Variants in PLA2G6 observed in about 807,000 individuals in gnomAD.
The protein encoded by PLA2G6 is 85/88 kDa calcium-independent phospholipase A2.
A neutral mutation model predicts 83.8 loss-of-function variants in PLA2G6; 62 were observed. The ratio of observed to expected loss-of-function variants is 0.74; its 90% CI spans 0.60 to 0.91. The LOEUF (loss-of-function observed/expected upper bound fraction) is 0.91, where lower values mean the gene tolerates loss of function less well. Ranked by LOEUF, PLA2G6 falls within the 40% of genes least tolerant of loss-of-function variation. The probability of loss-of-function intolerance (pLI) is 0.00; values close to 1 mark genes in which losing one functional copy is unlikely to be tolerated. For missense variants in PLA2G6, 944 were observed against 1,102.0 expected, an observed-to-expected ratio of 0.86 and a Z score of 2.03; for synonymous variants, 417 against 449.8, an observed-to-expected ratio of 0.93 and a Z score of 0.92.
chr22:38,141,619 T>C (rs1011063913), intron 4 of PLA2G6: 2 of 152,184 alleles, frequency 1.3e-5, no homozygotes, highest in East Asian at 3.9e-4. Flanking sequence ...CCTCAGTTTC[T>C]TCGGAGAGGA....
chr22:38,112,415 A>G (rs182038896), intron 16 of PLA2G6, 89 bp downstream of exon 16: 3 of 1,515,110 alleles, frequency 2.0e-6, no homozygotes, highest in Admixed American at 1.9e-5. Flanking sequence ...TGGGGAAGGG[A>G]AAGTCCACAC....
Position 38,132,630 on chromosome 22 carries a change from T to G in PLA2G6, c.1077+201A>C. The G allele has an allele frequency of 1.7e-6, 1 of 588,686 alleles. No homozygotes were observed. The highest frequency in any genetic ancestry group is 3.0e-6 in the Non-Finnish European group (1 of 330,106). 36.5% of individuals were successfully genotyped at this position (588,686 alleles called of 1,614,324 possible). On this transcript the variant is annotated intron_variant, in intron 7 of 16. Transcript: ENST00000332509. The surrounding 1 kb of genome is among the most constrained non-coding windows in gnomAD (Gnocchi z 5.0). Reference sequence around the variant, plus strand: ...AAAAGGTACCACAGCACACAGGAGGTGGTGTTATTTTGGGCTGAGAGGGGG... The same window carrying G: ...AAAAGGTACCACAGCACACAGGAGGGGGTGTTATTTTGGGCTGAGAGGGGG...
chr22:38,112,184 T>C lies in PLA2G6; in HGVS notation c.2398A>G (p.Ile800Val). The C allele has an allele frequency of 1.3e-6, 2 of 1,594,338 alleles. No individual in the cohort carries two copies. The highest frequency in any genetic ancestry group is 1.7e-6 in the Non-Finnish European group (2 of 1,170,910). ...CCTCAGGGTGAGAGCAGCAGCTGGATGAGCTTCTGGAACTCCTCGCGGTGC... is the reference window on the plus strand; with the variant it reads ...CCTCAGGGTGAGAGCAGCAGCTGGACGAGCTTCTGGAACTCCTCGCGGTGC... ...YEHREEFQKL[I>V]QLLLSP The change falls in exon 17 of 17, where the codon ATC (isoleucine) becomes GTC (valine). Residue 800 changes from isoleucine to valine, a missense_variant. Transcript: ENST00000332509.
chr22:38,132,879 C>T lies in PLA2G6; in HGVS notation c.1029G>A (p.Ala343=), dbSNP rs1422824235. ...AIVLLTHGAN[A]DARGEHGNTP... is the part of the protein sequence containing the mutation. The stretch of plus-strand genomic sequence containing the variant: ...TGTTGCCGTGCTCTCCGCGGGCATC[C>T]GCGTTGGCCCCGTGGGTCAGCAGCA... Residue 343 remains alanine, a synonymous_variant, in exon 7 of 17, where the codon GCG becomes GCA. Transcript: ENST00000332509. This position sits in a 1 kb window ranked among gnomAD's most constrained non-coding sequence, Gnocchi z 5.0. 16 of 1,553,676 alleles carry T rather than the reference C, an allele frequency of 1.0e-5. No individual in the cohort carries two copies. The highest frequency in any genetic ancestry group is 7.1e-5 in the South Asian group (6 of 84,304).
chr22:38,175,482 G>C (rs767766589), intron 1 of PLA2G6, among the ~76,000 whole-genome samples: 6 of 152,062 alleles, frequency 3.9e-5, no homozygotes, highest in Non-Finnish European at 8.8e-5. Context: ...CAGCCACGCC[G>C]CACCATCGAT....
At chr22:38,145,834 C>CACACACACACACACACACACACA in intron 2 of PLA2G6, 181 bp from the exon 3 acceptor site, 1 of 627,028 alleles carries the variant, frequency 1.6e-6, no homozygotes, top group African/African-American at 1.9e-5. Flanking sequence ...CACACACACA[C>CACACACACACACACACACACACA]CCCTATACAC....
rs1247478429 is a variant in PLA2G6 at position 38,123,896 on chromosome 22, C to T, written c.1428-638G>A. Among the ~76,000 whole-genome samples, 15 of 152,256 alleles carry T rather than the reference C, an allele frequency of 9.9e-5. No homozygotes were observed. Among genetic ancestry groups the T allele is most frequent in the Non-Finnish European group, 1.8e-4 (12 of 68,016 alleles). ...TGTTGCCCAGGCTGGAGTGCAATAA[C>T]GCGATCTCGGCTCACCGCAACCTCT... On this transcript the variant is annotated intron_variant, in intron 10 of 16. Transcript: ENST00000332509. The surrounding 1 kb of genome is among the most constrained non-coding windows in gnomAD (Gnocchi z 4.1).
chr22:38,142,178 T>C (rs1263043373), intron 4 of PLA2G6: 12 of 102,722 alleles, frequency 1.2e-4, no homozygotes, highest in Non-Finnish European at 5.3e-5. Context: ...CTGGGAGACA[T>C]AGGGAAACTC....
intron 2 of PLA2G6, among the ~76,000 whole-genome samples, chr22:38,153,708 C>CT (rs2145866615): frequency 6.6e-6 from 1 of 151,568 alleles, no homozygotes; most frequent in East Asian, 1.9e-4. Context: ...CCAAATTGAA[C>CT]TATACACACA....
chr22:38,146,285 C>T (rs554857190), intron 2 of PLA2G6: 5 of 155,884 alleles, frequency 3.2e-5, no homozygotes, highest in African/African-American at 1.2e-4. Flanking sequence ...AATCCACCCC[C>T]CTCAGCCTCT....
At chr22:38,145,051 TTTTTC>T in intron 3 of PLA2G6, 1 of 250,100 alleles carries the variant, frequency 4.0e-6, no homozygotes. Context: ...TTTTTTTTTT[TTTTTC>T]CTAGAGACAA....
rs1273203392 is a variant in PLA2G6 at position 38,123,607 on chromosome 22, G to T, written c.1428-349C>A. 1.3e-5 allele frequency among the ~76,000 whole-genome samples: 2 copies of T among 152,034 alleles called. No homozygotes were observed. The highest frequency in any genetic ancestry group is 4.8e-5 in the African/African-American group (2 of 41,386). ...TGATCCAAAGCAGGTGCCTGATAAA[G>T]TCTGTTGGAATTAAATAAGGCTGGG... On this transcript the variant is annotated intron_variant, in intron 10 of 16. Coordinates refer to ENST00000332509, the MANE Select transcript of PLA2G6 (RefSeq NM_003560.4). The surrounding 1 kb of genome is among the most constrained non-coding windows in gnomAD (Gnocchi z 4.1).
intron 2 of PLA2G6, among the ~76,000 whole-genome samples, chr22:38,159,905 CAT>C (rs1479783029): frequency 6.6e-6 from 1 of 152,140 alleles, no homozygotes; most frequent in Non-Finnish European, 1.5e-5. Context: ...ACTAAGAACT[CAT>C]GTTTATCAAT....
chr22:38,166,722 TAA>T (rs144922603), intron 2 of PLA2G6, among the ~76,000 whole-genome samples: 17,583 of 151,560 alleles, frequency 0.12, 1,230 homozygotes, highest in African/African-American at 0.18. Flanking sequence ...GAGCAAGACT[TAA>T]CGTCTCAAAA....
Position 38,111,868 on chromosome 22 carries a change from C to A in PLA2G6, c.*293G>T, listed in dbSNP as rs2086887545. The A allele has an allele frequency of 6.3e-6, 3 of 473,388 alleles. No individual in the cohort carries two copies. In the Admixed American group the frequency reaches 1.0e-4, roughly 16 times the overall value. 29.3% of individuals were successfully genotyped at this position (473,388 alleles called of 1,614,324 possible). ...AGGGGTACGGTTGTGCCCGGGTACC[C>A]TTAATGTTTGAGCTGATGGGGGAGT... On this transcript the variant is annotated 3_prime_UTR_variant, in exon 17 of 17. Transcript: ENST00000332509.
Position 38,140,170 on chromosome 22 carries a change from C to G in PLA2G6, c.610-1G>C, listed in dbSNP as rs1223788672. On this transcript the variant is annotated splice_acceptor_variant, in intron 4 of 16. Coordinates refer to ENST00000332509, the MANE Select transcript of PLA2G6 (RefSeq NM_003560.4). LOFTEE classifies it high-confidence loss of function. Reference sequence around the variant, plus strand: ...CAGCCACTGCGTTCCTTCCAAGGAGCTGATGAAAGAGGAAGGGAAGTTTGA... The same window carrying G: ...CAGCCACTGCGTTCCTTCCAAGGAGGTGATGAAAGAGGAAGGGAAGTTTGA... The G allele has an allele frequency of 1.2e-6, 2 of 1,613,786 alleles. No homozygotes were observed. The highest frequency in any genetic ancestry group is 1.3e-5 in the African/African-American group (1 of 74,920).
At chr22:38,143,646 C>A in intron 3 of PLA2G6, 1 of 392,790 alleles carries the variant, frequency 2.5e-6, no homozygotes, top group Non-Finnish European at 4.9e-6. Context: ...TCGACACAAG[C>A]TGCTGTGCCT....
chr22:38,179,800 A>C (rs1332454049), intron 1 of PLA2G6, among the ~76,000 whole-genome samples: 1 of 152,168 alleles, frequency 6.6e-6, no homozygotes, highest in South Asian at 2.1e-4. Context: ...ATAAATAAAT[A>C]CTTCAAGTTT....
chr22:38,126,560 AT>A lies in PLA2G6; in HGVS notation c.1349-112del. ...GTGCCTCGCCCACGGCCACGCCCTC[AT>A]CCCCCCACTCCCCCTGTCATCTGTC... On this transcript the variant is annotated intron_variant, in intron 9 of 16. Transcript: ENST00000332509. The A allele has an allele frequency of 4.0e-6, 3 of 751,972 alleles. No homozygotes were observed. In the Admixed American group the frequency reaches 5.8e-5, roughly 15 times the overall value. The allele number at this position is 751,972 out of a possible 1,614,324, so 46.6% of individuals were successfully genotyped here.
Sources: allele counts gnomAD v4.1 joint callset (sites outside exome capture counted in the v4.1 genomes callset), GRCh38; gene constraint gnomAD v4.1.1; non-coding constraint Gnocchi (gnomAD v3.1); transcripts MANE v1.5; gene names NCBI Gene and HGNC (gene_info 2026-07-23, HGNC 2026-07-21).